CUX1: variants seen among roughly 807,000 people sequenced by gnomAD.
The protein encoded by CUX1 is cut like homeobox 1.
A neutral mutation model predicts 158.8 loss-of-function variants in CUX1; 31 were observed. The observed-to-expected ratio is 0.20, with a 90% CI of 0.15 to 0.26. CUX1 has a LOEUF of 0.26. Ranked by LOEUF, CUX1 falls within the 10% of genes least tolerant of loss-of-function variation. The probability of loss-of-function intolerance (pLI) is 1.00; values close to 1 mark genes in which losing one functional copy is unlikely to be tolerated. For missense variants in CUX1, 1,589 were observed against 2,014.6 expected (o/e 0.79, Z 4.04); for synonymous variants, 879 against 862.1 (o/e 1.02, Z -0.34).
In CUX1 at chr7:102,023,572, G is replaced by A. The variant is rs563995822; in HGVS notation, c.142-4526G>A. ...TGCAGCCTCAACCACCCGGGTTGAGGTGGGGAGCCTCCCAATGTGCTGGGA... is the reference window on the plus strand; with the variant it reads ...TGCAGCCTCAACCACCCGGGTTGAGATGGGGAGCCTCCCAATGTGCTGGGA... On this transcript the variant is annotated intron_variant, in intron 2 of 23. Transcript: ENST00000292535. 4.6e-5 allele frequency among the ~76,000 whole-genome samples: 7 copies of A among 152,310 alleles called. No individual in the cohort carries two copies. In the East Asian group the frequency reaches 1.2e-3, roughly 25 times the overall value.
intron 3 of CUX1, among the ~76,000 whole-genome samples, chr7:102,035,033 TTATC>T (rs775278615): frequency 6.6e-6 from 1 of 150,652 alleles, no homozygotes; most frequent in Non-Finnish European, 1.5e-5. Flanking sequence ...TAAAAGGTAT[TTATC>T]AGAAACATAC....
At chr7:101,918,840 T>G (rs1001763874) in intron 2 of CUX1, among the ~76,000 whole-genome samples, 1 of 152,204 alleles carries the variant, frequency 6.6e-6, no homozygotes, top group African/African-American at 2.4e-5. Flanking sequence ...TGGAGTGCAG[T>G]GTCACAATCT....
intron 12 of CUX1, among the ~76,000 whole-genome samples, chr7:102,192,715 C>T (rs1222008816): frequency 1.3e-5 from 2 of 152,120 alleles, no homozygotes; most frequent in Non-Finnish European, 2.9e-5. Context: ...AGGAACATGG[C>T]GAAGGTCCGG....
At chr7:102,204,139 C>T (rs1042301207) in intron 18 of CUX1, among the ~76,000 whole-genome samples, 1 of 152,208 alleles carries the variant, frequency 6.6e-6, no homozygotes, top group Non-Finnish European at 1.5e-5. Context: ...CCTCTTCCCT[C>T]CCTGGGAGCT....
chr7:102,058,859 G>A (rs1824452274), intron 3 of CUX1, among the ~76,000 whole-genome samples: 1 of 152,200 alleles, frequency 6.6e-6, no homozygotes, highest in Non-Finnish European at 1.5e-5. Flanking sequence ...AACTTTTTGG[G>A]AGCAGCAGTA....
intron 6 of CUX1, among the ~76,000 whole-genome samples, chr7:102,104,719 GTC>G (rs1206240629): frequency 2.6e-5 from 4 of 151,854 alleles, no homozygotes; most frequent in African/African-American, 9.7e-5. Flanking sequence ...GTGAAACCCC[GTC>G]TCTACTAAAA....
chr7:102,271,758 G>A (rs556930980), intron 14 of CUX1, among the ~76,000 whole-genome samples: 8 of 152,350 alleles, frequency 5.3e-5, no homozygotes, highest in South Asian at 2.1e-4. Flanking sequence ...GGCCCAGTGC[G>A]GTGGCTCACG....
At chr7:102,230,257 C>A (rs913407630) in intron 21 of CUX1, among the ~76,000 whole-genome samples, 1 of 151,916 alleles carries the variant, frequency 6.6e-6, no homozygotes, top group Non-Finnish European at 1.5e-5. Flanking sequence ...AGGTGGATCA[C>A]CTGAGGCCAG....
At chr7:102,262,887 C>G (rs1023817962), downstream of CUX1, among the ~76,000 whole-genome samples, 1 of 152,038 alleles carries the variant, frequency 6.6e-6, no homozygotes, top group Non-Finnish European at 1.5e-5. Context: ...ACAGGGCAAA[C>G]CAGGAGCTCA....
chr7:101,861,525 G>C (rs1797454054), intron 1 of CUX1, among the ~76,000 whole-genome samples: 1 of 152,010 alleles, frequency 6.6e-6, no homozygotes, highest in South Asian at 2.1e-4. Flanking sequence ...AGCTGGTTTT[G>C]GTGCTGGTTG....
intron 11 of CUX1, among the ~76,000 whole-genome samples, chr7:102,178,868 C>A (rs1792699257): frequency 6.6e-6 from 1 of 152,108 alleles, no homozygotes; most frequent in South Asian, 2.1e-4. Flanking sequence ...AACAGCATTT[C>A]CCTCTTTTTT....
chr7:102,243,146 C>T (rs552164043), intron 23 of CUX1, among the ~76,000 whole-genome samples: 1 of 152,032 alleles, frequency 6.6e-6, no homozygotes, highest in Admixed American at 6.6e-5. Context: ...TGGTGGGGTG[C>T]GCCTGTAATC....
intron 1 of CUX1, among the ~76,000 whole-genome samples, chr7:101,895,891 GTTTTTTTTTTGTTTTTGTT>G (rs1240693738): frequency 2.9e-4 from 33 of 112,716 alleles, no homozygotes; most frequent in Admixed American, 4.0e-4. Context: ...CACCTGTAAA[GTTTTTTTTTTGTTTTTGTT>G]TTTTTTTTTT....
chr7:101,964,654 T>C (rs1263812451), intron 2 of CUX1, among the ~76,000 whole-genome samples: 1 of 152,126 alleles, frequency 6.6e-6, no homozygotes, highest in Non-Finnish European at 1.5e-5. Context: ...CTCCAGTGAT[T>C]TGGGTGGTTT....
chr7:102,193,488 T>C (rs1794485322), intron 12 of CUX1, among the ~76,000 whole-genome samples: 1 of 152,206 alleles, frequency 6.6e-6, no homozygotes, highest in African/African-American at 2.4e-5. Flanking sequence ...TTAATGCTTA[T>C]TAATGTGGCT....
intron 22 of CUX1, among the ~76,000 whole-genome samples, chr7:102,238,908 G>A (rs181748977): frequency 8.6e-5 from 13 of 151,234 alleles, no homozygotes; most frequent in Admixed American, 2.0e-4. Context: ...TGTTTTGTTT[G>A]AGACGGAATC....
chr7:102,075,570 T>A (rs974002100), intron 4 of CUX1, among the ~76,000 whole-genome samples: 1 of 152,238 alleles, frequency 6.6e-6, no homozygotes, highest in Non-Finnish European at 1.5e-5. Context: ...TATTGCTAAA[T>A]GAATGCAGAA....
chr7:101,876,734 A>G (rs1303477873), intron 1 of CUX1, among the ~76,000 whole-genome samples: 1 of 152,140 alleles, frequency 6.6e-6, no homozygotes, highest in African/African-American at 2.4e-5. Context: ...TCTTTCAATG[A>G]TAGTTAATAT....
intron 17 of CUX1, among the ~76,000 whole-genome samples, chr7:102,275,697 C>T (rs1368061840): frequency 6.6e-6 from 1 of 152,088 alleles, no homozygotes; most frequent in Non-Finnish European, 1.5e-5. Flanking sequence ...GGATTTAAGC[C>T]AGGCAGTGGC....
Sources: allele counts gnomAD v4.1 joint callset (sites outside exome capture counted in the v4.1 genomes callset), GRCh38; gene constraint gnomAD v4.1.1; transcripts MANE v1.5; gene names NCBI Gene and HGNC (gene_info 2026-07-23, HGNC 2026-07-21).